The following CNTNAP5 variants were observed in gnomAD, a reference collection of about 807,000 sequenced individuals.
The protein encoded by CNTNAP5 is contactin associated protein family member 5.
In CNTNAP5, 72 loss-of-function variants were observed where a neutral mutation model predicts 150.2. The ratio of observed to expected loss-of-function variants is 0.48; its 90% CI spans 0.40 to 0.58. The LOEUF (loss-of-function observed/expected upper bound fraction) is 0.58, where lower values mean the gene tolerates loss of function less well. Ranked by LOEUF, CNTNAP5 falls within the 20% of genes least tolerant of loss-of-function variation. The pLI is 0.00. For synonymous variants in CNTNAP5, 672 were observed against 619.8 expected, an observed-to-expected ratio of 1.08 and a Z score of -1.25; for missense variants, 1,636 against 1,626.2, an observed-to-expected ratio of 1.01 and a Z score of -0.10.
chr2:124,489,379 G>A (rs1217516053), intron 7 of CNTNAP5, among the ~76,000 whole-genome samples: 1 of 152,138 alleles, frequency 6.6e-6, no homozygotes, highest in Admixed American at 6.5e-5. Context: ...TCCTCATTGG[G>A]CATGTCTGTG....
intron 16 of CNTNAP5, among the ~76,000 whole-genome samples, chr2:124,766,733 T>C (rs1342314479): frequency 6.6e-6 from 1 of 152,208 alleles, no homozygotes; most frequent in African/African-American, 2.4e-5. Context: ...TTTTGATTCA[T>C]TAAAGCAGCA....
intron 21 of CNTNAP5, among the ~76,000 whole-genome samples, chr2:124,874,147 T>G (rs543376646): frequency 6.6e-5 from 10 of 152,230 alleles, no homozygotes; most frequent in African/African-American, 2.4e-4. Context: ...AGAATGTTGA[T>G]GCTCAAATCC....
intron 19 of CNTNAP5, among the ~76,000 whole-genome samples, chr2:124,809,792 G>C (rs1682165843): frequency 6.6e-6 from 1 of 152,162 alleles, no homozygotes; most frequent in African/African-American, 2.4e-5. Context: ...TACAGAAAGA[G>C]AGAATAAATG....
chr2:124,466,670 G>C lies in CNTNAP5; in HGVS notation c.919-8069G>C, dbSNP rs558553531. On this transcript the variant is annotated intron_variant, in intron 6 of 23. Coordinates refer to ENST00000682447, the MANE Select transcript of CNTNAP5 (RefSeq NM_001367498.1). Reference sequence around the variant, plus strand: ...GATCAGTATTCACTGAAAATTACTGGTCAGATGAGACAGATTTTGTTCGGA... The same window carrying C: ...GATCAGTATTCACTGAAAATTACTGCTCAGATGAGACAGATTTTGTTCGGA... 1.4e-3 allele frequency among the ~76,000 whole-genome samples: 217 copies of C among 152,238 alleles called. 2 individuals carry two copies. The highest frequency in any genetic ancestry group is 4.9e-3 in the African/African-American group (202 of 41,546).
chr2:124,658,878 G>A (rs1254267429), intron 13 of CNTNAP5, among the ~76,000 whole-genome samples: 1 of 152,192 alleles, frequency 6.6e-6, no homozygotes, highest in Admixed American at 6.5e-5. Context: ...CTCTGAGCTT[G>A]CTTTTCAGGG....
At chr2:124,769,933 G>T (rs1244139144) in intron 16 of CNTNAP5, among the ~76,000 whole-genome samples, 3 of 152,072 alleles carry the variant, frequency 2.0e-5, no homozygotes, top group African/African-American at 7.2e-5. Flanking sequence ...TGAAAAATGA[G>T]TAGTAAGGTA....
At chr2:124,366,153 C>A (rs1377440722) in intron 3 of CNTNAP5, among the ~76,000 whole-genome samples, 2 of 152,046 alleles carry the variant, frequency 1.3e-5, no homozygotes, top group African/African-American at 4.8e-5. Flanking sequence ...GATTTCAGTC[C>A]AATTAATTAG....
intron 20 of CNTNAP5, 28 bp from the exon 21 acceptor site, chr2:124,869,647 T>C: frequency 6.7e-7 from 1 of 1,497,420 alleles, no homozygotes; most frequent in Non-Finnish European, 9.3e-7. Context: ...CCTCTGCTGA[T>C]GTGCCTTTGT....
At chr2:124,407,862 G>T (rs537112391) in intron 3 of CNTNAP5, among the ~76,000 whole-genome samples, 2 of 151,922 alleles carry the variant, frequency 1.3e-5, no homozygotes, top group East Asian at 3.9e-4. Context: ...GTAGATAAAA[G>T]AACTTCGGGA....
intron 6 of CNTNAP5, among the ~76,000 whole-genome samples, chr2:124,468,406 GTC>G (rs767294527): frequency 3.7e-4 from 57 of 152,210 alleles, no homozygotes; most frequent in Non-Finnish European, 6.8e-4. Context: ...AGTCCTCAGA[GTC>G]TGATATTCAA....
At chr2:124,659,699 A>G (rs530651553) in intron 13 of CNTNAP5, among the ~76,000 whole-genome samples, 3 of 148,296 alleles carry the variant, frequency 2.0e-5, no homozygotes, top group African/African-American at 7.3e-5. Flanking sequence ...AGTGGCTATT[A>G]TTATTTAAGG....
chr2:124,820,538 G>C (rs189293797), intron 19 of CNTNAP5, among the ~76,000 whole-genome samples: 7 of 150,322 alleles, frequency 4.7e-5, no homozygotes, highest in Admixed American at 2.0e-4. Flanking sequence ...CAAAGGAAAG[G>C]GGGGGGAGAA....
At chr2:124,136,056 G>A (rs1235464913) in intron 1 of CNTNAP5, among the ~76,000 whole-genome samples, 1 of 152,154 alleles carries the variant, frequency 6.6e-6, no homozygotes, top group East Asian at 1.9e-4. Context: ...CTAATCTACG[G>A]CATGTGGTTT....
chr2:124,128,596 A>C (rs911424145), intron 1 of CNTNAP5, among the ~76,000 whole-genome samples: 2 of 152,220 alleles, frequency 1.3e-5, no homozygotes, highest in African/African-American at 4.8e-5. Flanking sequence ...ATGCTACTAT[A>C]AAGACACATG....
At chr2:124,723,535 A>C (rs1161359129) in intron 13 of CNTNAP5, among the ~76,000 whole-genome samples, 3 of 152,142 alleles carry the variant, frequency 2.0e-5, no homozygotes, top group African/African-American at 7.2e-5. Context: ...GCTGCACCAC[A>C]CTTCCCTGTA....
At chr2:124,249,133 C>G (rs1001356675) in intron 3 of CNTNAP5, among the ~76,000 whole-genome samples, 11 of 152,104 alleles carry the variant, frequency 7.2e-5, no homozygotes, top group African/African-American at 2.7e-4. Context: ...GCCCTACAAA[C>G]CATCAATTCT....
chr2:124,353,419 G>A (rs1363929291), intron 3 of CNTNAP5, among the ~76,000 whole-genome samples: 1 of 151,700 alleles, frequency 6.6e-6, no homozygotes, highest in Non-Finnish European at 1.5e-5. Flanking sequence ...TTAGGCTGGA[G>A]GAGCTAAAGC....
intron 6 of CNTNAP5, among the ~76,000 whole-genome samples, chr2:124,462,347 A>G (rs960131031): frequency 6.6e-6 from 1 of 152,198 alleles, no homozygotes; most frequent in Non-Finnish European, 1.5e-5. Flanking sequence ...TTTTAAATTT[A>G]AGATTATTGT....
At chr2:124,311,786 A>T (rs1688838024) in intron 3 of CNTNAP5, among the ~76,000 whole-genome samples, 1 of 152,242 alleles carries the variant, frequency 6.6e-6, no homozygotes, top group African/African-American at 2.4e-5. Context: ...CTATATGATG[A>T]ACTCTATACT....
Sources: gnomAD v4.1 joint callset for allele counts (sites outside exome capture counted in the v4.1 genomes callset) on GRCh38, gnomAD v4.1.1 for gene constraint, MANE v1.5 for transcripts, NCBI Gene and HGNC (gene_info 2026-07-23, HGNC 2026-07-21) for gene names.